Variants in ZPBP observed in about 807,000 individuals in gnomAD.
ZPBP encodes zona pellucida binding protein.
Under a neutral mutation model 44.8 loss-of-function variants are expected in ZPBP, and 26 were observed. The observed-to-expected ratio is 0.58, with a 90% CI of 0.43 to 0.81. The LOEUF is 0.81. Ranked by LOEUF, ZPBP falls within the 30% of genes least tolerant of loss-of-function variation. The pLI, the probability that ZPBP is intolerant of heterozygous loss-of-function variation, is 0.00. For missense variants in ZPBP, 409 were observed against 434.0 expected, an observed-to-expected ratio of 0.94 and a Z score of 0.51; for synonymous variants, 174 against 153.2, an observed-to-expected ratio of 1.14 and a Z score of -1.00.
intron 1 of ZPBP, chr7:49,914,689 T>C (rs564728237): frequency 8.3e-4 from 126 of 152,364 alleles, no homozygotes; most frequent in African/African-American, 3.0e-3. Context: ...CAGATTGACA[T>C]TCTATTTTCC....
chr7:49,981,580 T>A (rs1796946508), intron 7 of ZPBP, among the ~76,000 whole-genome samples: 1 of 66,746 alleles, frequency 1.5e-5, no homozygotes, highest in Admixed American at 2.7e-4. Context: ...ATTATATAAA[T>A]TATATATTAT....
At chr7:49,997,150 A>G (rs1159902574) in intron 6 of ZPBP, among the ~76,000 whole-genome samples, 1 of 152,164 alleles carries the variant, frequency 6.6e-6, no homozygotes, top group African/African-American at 2.4e-5. Flanking sequence ...TAAATCACAA[A>G]TTGACTTCAG....
chr7:49,955,904 A>G (rs1308385971), intron 7 of ZPBP, among the ~76,000 whole-genome samples: 7 of 152,198 alleles, frequency 4.6e-5, no homozygotes, highest in Non-Finnish European at 1.0e-4. Context: ...TTGAGGATAT[A>G]CATTATCAAA....
intron 7 of ZPBP, among the ~76,000 whole-genome samples, chr7:49,981,277 T>C (rs117699319): frequency 0.23 from 19,552 of 84,222 alleles, 2,782 homozygotes; most frequent in Non-Finnish European, 0.32. Flanking sequence ...TCAGATATAA[T>C]ATATATTATA....
intron 2 of ZPBP, among the ~76,000 whole-genome samples, chr7:50,085,524 T>C (rs566193054): frequency 6.6e-6 from 1 of 152,134 alleles, no homozygotes; most frequent in South Asian, 2.1e-4. Context: ...TGGCAGCCAA[T>C]GAAGGGGGCA....
chr7:49,885,017 G>A (rs1791836736), intron 2 of ZPBP, among the ~76,000 whole-genome samples: 1 of 151,990 alleles, frequency 6.6e-6, no homozygotes, highest in South Asian at 2.1e-4. Flanking sequence ...AGTGTTGTAT[G>A]GCTAAATTTA....
At chr7:49,888,402 G>A (rs1280451590) in intron 2 of ZPBP, among the ~76,000 whole-genome samples, 1 of 152,114 alleles carries the variant, frequency 6.6e-6, no homozygotes, top group Non-Finnish European at 1.5e-5. Context: ...GTATGGTATA[G>A]AGCTACAAAA....
At chr7:50,088,922 A>T (rs1322744437) in intron 2 of ZPBP, among the ~76,000 whole-genome samples, 2 of 151,996 alleles carry the variant, frequency 1.3e-5, no homozygotes, top group African/African-American at 4.8e-5. Context: ...AAAGGAATGA[A>T]GTATTGATGC....
chr7:49,981,683 AAT>A (rs1554361150), intron 7 of ZPBP, among the ~76,000 whole-genome samples: 1 of 42,176 alleles, frequency 2.4e-5, no homozygotes, highest in Non-Finnish European at 3.4e-5. Context: ...TATTATATAT[AAT>A]AATATATATA....
At chr7:50,080,582 A>G (rs1324497599) in intron 3 of ZPBP, among the ~76,000 whole-genome samples, 1 of 151,802 alleles carries the variant, frequency 6.6e-6, no homozygotes, top group Admixed American at 6.6e-5. Flanking sequence ...AAAAAATTCA[A>G]TGCTTAAATG....
chr7:50,067,397 T>C (rs1801568172), intron 3 of ZPBP, among the ~76,000 whole-genome samples: 1 of 152,164 alleles, frequency 6.6e-6, no homozygotes, highest in Admixed American at 6.5e-5. Flanking sequence ...CAGAAGCATA[T>C]TTGGAATCTG....
At chr7:49,908,004 C>T (rs922571599) in intron 1 of ZPBP, among the ~76,000 whole-genome samples, 3 of 152,094 alleles carry the variant, frequency 2.0e-5, no homozygotes, top group East Asian at 3.9e-4. Context: ...GGATTGTCTA[C>T]GGAATGCAGA....
intron 2 of ZPBP, among the ~76,000 whole-genome samples, chr7:49,875,024 A>T (rs1315425696): frequency 6.6e-6 from 1 of 152,132 alleles, no homozygotes; most frequent in Non-Finnish European, 1.5e-5. Context: ...AAAGAACTGG[A>T]AACAGTTTAT....
At chr7:49,988,701 C>G (rs745604985) in intron 6 of ZPBP, among the ~76,000 whole-genome samples, 5 of 152,138 alleles carry the variant, frequency 3.3e-5, no homozygotes, top group Admixed American at 1.3e-4. Flanking sequence ...CCACAAAACT[C>G]TGACAGGCAG....
intron 7 of ZPBP, among the ~76,000 whole-genome samples, chr7:49,956,675 G>A (rs1330461017): frequency 2.0e-5 from 3 of 152,000 alleles, no homozygotes; most frequent in Non-Finnish European, 4.4e-5. Flanking sequence ...TATGTTCATG[G>A]ATCTAAAGAT....
intron 2 of ZPBP, among the ~76,000 whole-genome samples, chr7:49,871,618 G>A (rs1791149538): frequency 6.6e-6 from 1 of 151,868 alleles, no homozygotes; most frequent in Non-Finnish European, 1.5e-5. Flanking sequence ...AACCTCTATG[G>A]TTTTTATTCA....
chr7:49,943,153 C>A (rs903190039), intron 7 of ZPBP: 10 of 317,798 alleles, frequency 3.1e-5, no homozygotes, highest in African/African-American at 2.0e-4. Flanking sequence ...AGTAACTTCC[C>A]AGTCCAGAAA....
chr7:50,049,638 T>C (rs185280638), intron 4 of ZPBP, among the ~76,000 whole-genome samples: 7 of 152,056 alleles, frequency 4.6e-5, no homozygotes, highest in Admixed American at 1.3e-4. Context: ...TCCTCAAATA[T>C]AAACGTAGAA....
At chr7:50,090,880 GA>G (rs1562623001) in intron 1 of ZPBP, among the ~76,000 whole-genome samples, 1 of 152,064 alleles carries the variant, frequency 6.6e-6, no homozygotes, top group African/African-American at 2.4e-5. Context: ...GTTCTTTAGG[GA>G]ATCTCCACAA....
Sources: gnomAD v4.1 joint callset for allele counts (sites outside exome capture counted in the v4.1 genomes callset) on GRCh38, gnomAD v4.1.1 for gene constraint, MANE v1.5 for transcripts, NCBI Gene and HGNC (gene_info 2026-07-23, HGNC 2026-07-21) for gene names.